Variants in ABLIM1 observed in about 807,000 individuals in gnomAD.
ABLIM1 encodes the protein actin binding LIM protein 1, also known as actin-binding LIM protein 1.
ABLIM1 carries 40 observed loss-of-function variants against 107.0 expected under a neutral mutation model. The observed-to-expected ratio is 0.37, with a 90% confidence interval of 0.29 to 0.49. The LOEUF (loss-of-function observed/expected upper bound fraction) is 0.49, where lower values mean the gene tolerates loss of function less well. ABLIM1 is among the 20% of genes least tolerant of loss of function. The pLI is 0.97. For synonymous variants in ABLIM1, 357 were observed against 357.3 expected (o/e 1.00, Z 0.01); for missense variants, 857 against 1,008.5 (o/e 0.85, Z 2.04).
intron 1 of ABLIM1, among the ~76,000 whole-genome samples, chr10:114,643,290 C>T (rs1254978142): frequency 6.6e-6 from 1 of 152,202 alleles, no homozygotes; most frequent in Non-Finnish European, 1.5e-5. Context: ...TAGGAGACAA[C>T]TATGAGAGTG....
chr10:114,574,592 A>T (rs571585924), intron 3 of ABLIM1, among the ~76,000 whole-genome samples: 1 of 151,988 alleles, frequency 6.6e-6, no homozygotes, highest in East Asian at 1.9e-4. Flanking sequence ...GGCACCTGCC[A>T]CCTCGCCTGG....
upstream of ABLIM1, chr10:114,658,317 C>A: frequency 6.7e-7 from 1 of 1,497,396 alleles, no homozygotes. Flanking sequence ...CACTGCCCAG[C>A]AAAGAAGATT....
At chr10:114,690,843 A>G (rs2081061193) in intron 1 of ABLIM1, among the ~76,000 whole-genome samples, 2 of 152,162 alleles carry the variant, frequency 1.3e-5, no homozygotes, top group African/African-American at 4.8e-5. Context: ...CACTACACTC[A>G]GCTAATTTTT....
chr10:114,719,893 G>A (rs2081798579), intron 1 of ABLIM1, among the ~76,000 whole-genome samples: 1 of 152,152 alleles, frequency 6.6e-6, no homozygotes, highest in African/African-American at 2.4e-5. Flanking sequence ...ATGAAGAAGT[G>A]TCTATGAGCA....
At chr10:114,578,697 C>T (rs541397899) in intron 2 of ABLIM1, among the ~76,000 whole-genome samples, 14 of 152,058 alleles carry the variant, frequency 9.2e-5, no homozygotes, top group East Asian at 3.9e-4. Context: ...TCAGCCACCA[C>T]GCCCAGCCAA....
At chr10:114,709,867 T>C (rs1317870383) in intron 1 of ABLIM1, among the ~76,000 whole-genome samples, 1 of 152,218 alleles carries the variant, frequency 6.6e-6, no homozygotes, top group African/African-American at 2.4e-5. Flanking sequence ...ATATTCACTT[T>C]GATGTTTAAC....
At chr10:114,601,664 TAG>T in intron 2 of ABLIM1, 161 bp downstream of exon 2, 1 of 1,175,692 alleles carries the variant, frequency 8.5e-7, no homozygotes, top group Non-Finnish European at 1.3e-6. Flanking sequence ...GTTCTCGCCC[TAG>T]AGTCTAACTG....
chr10:114,724,815 T>C (rs1179109429), intron 1 of ABLIM1, among the ~76,000 whole-genome samples: 2 of 152,142 alleles, frequency 1.3e-5, no homozygotes, highest in Non-Finnish European at 2.9e-5. Flanking sequence ...ACAGCTTATG[T>C]AGTTTCCCCA....
Position 114,707,855 on chromosome 10 carries a change from T to G in ABLIM1, c.-213+60206A>C, listed in dbSNP as rs1239907680. On this transcript the variant is annotated intron_variant, in intron 1 of 15. Transcript: ENST00000651092. The surrounding 1 kb of genome is among the most constrained non-coding windows in gnomAD (Gnocchi z 4.1). ...GACAGAGGTTGCAGTGAGCGGAGAT[T>G]GCACCATTGCACTCTAGCCTGGGCG... 6.6e-6 allele frequency among the ~76,000 whole-genome samples: 1 copy of G among 151,990 alleles called. No individual in the cohort carries two copies. The highest frequency in any genetic ancestry group is 6.6e-5 in the Admixed American group (1 of 15,256).
At chr10:114,542,800 G>C (rs1692943686) in intron 6 of ABLIM1, among the ~76,000 whole-genome samples, 5 of 152,144 alleles carry the variant, frequency 3.3e-5, no homozygotes. Context: ...GCCAGGAGGG[G>C]AGGCACCAAC....
At chr10:114,530,724 G>A (rs2065359234) in intron 6 of ABLIM1, among the ~76,000 whole-genome samples, 1 of 152,092 alleles carries the variant, frequency 6.6e-6, no homozygotes. Flanking sequence ...AGTAGAGACG[G>A]GGTTTTGCCT....
chr10:114,715,689 C>T (rs1194573570), intron 1 of ABLIM1, among the ~76,000 whole-genome samples: 1 of 152,074 alleles, frequency 6.6e-6, no homozygotes, highest in Admixed American at 6.5e-5. Context: ...TCAGCCCTCA[C>T]CGTGACTTTT....
intron 1 of ABLIM1, among the ~76,000 whole-genome samples, chr10:114,703,918 A>C (rs1017946995): frequency 1.3e-5 from 2 of 152,126 alleles, no homozygotes; most frequent in Non-Finnish European, 2.9e-5. Context: ...CCTTTTCAGC[A>C]TCAATGTAAA....
intron 2 of ABLIM1, among the ~76,000 whole-genome samples, chr10:114,592,470 G>A (rs991173356): frequency 1.4e-4 from 22 of 152,148 alleles, no homozygotes; most frequent in African/African-American, 4.8e-4. Context: ...GTCAAATTGA[G>A]GTCTGTGGAT....
Position 114,436,207 on chromosome 10 carries a change from A to G in ABLIM1, c.*53T>C. On this transcript the variant is annotated 3_prime_UTR_variant, in exon 23 of 23. Transcript: ENST00000533213. Reference sequence around the variant, plus strand: ...AGTTTGGGCCTCAATATGACATCCTATGGGGCACCGCCACTGTCAGTCCTT... The same window carrying G: ...AGTTTGGGCCTCAATATGACATCCTGTGGGGCACCGCCACTGTCAGTCCTT... The G allele has an allele frequency of 6.9e-7, 1 of 1,458,120 alleles. No individual in the cohort carries two copies. The highest frequency in any genetic ancestry group is 9.6e-7 in the Non-Finnish European group (1 of 1,044,722). The allele number at this position is 1,458,120 out of a possible 1,614,324, so 90.3% of individuals were successfully genotyped here. A position where few individuals can be genotyped will look rare whatever the true frequency, so the allele number is the denominator to read the frequency against.
rs570846355 is a variant in ABLIM1 at position 114,738,510 on chromosome 10, A to C, written c.-213+29551T>G. Among the ~76,000 whole-genome samples, 65 of 152,310 alleles carry C rather than the reference A, an allele frequency of 4.3e-4. No homozygotes were observed. In the Middle Eastern group the frequency reaches 0.01, roughly 24 times the overall value. ...CACAAGATCTAAAGCAGCACTTTATACTCTCTAGTCATTCAATTAAGGAGA... is the reference window on the plus strand; with the variant it reads ...CACAAGATCTAAAGCAGCACTTTATCCTCTCTAGTCATTCAATTAAGGAGA... On this transcript the variant is annotated intron_variant, in intron 1 of 15. Coordinates refer to the ABLIM1 transcript ENST00000651092.
chr10:114,661,256 C>T (rs769588379), upstream of ABLIM1, among the ~76,000 whole-genome samples: 1 of 152,132 alleles, frequency 6.6e-6, no homozygotes, highest in African/African-American at 2.4e-5. Context: ...TTAAAGACAA[C>T]CGAACTACAT....
intron 21 of ABLIM1, among the ~76,000 whole-genome samples, chr10:114,438,643 A>C (rs1416506126): frequency 1.3e-5 from 2 of 152,188 alleles, no homozygotes; most frequent in Non-Finnish European, 2.9e-5. Flanking sequence ...TGACTAGCTC[A>C]TGAATCTATG....
At chr10:114,439,955 G>T in intron 20 of ABLIM1, 127 bp downstream of exon 20, 2 of 1,498,006 alleles carry the variant, frequency 1.3e-6, no homozygotes, top group Non-Finnish European at 9.1e-7. Flanking sequence ...ATAGAGTAAT[G>T]ACTAGAGAGA....
Sources: allele counts gnomAD v4.1 joint callset (sites outside exome capture counted in the v4.1 genomes callset), GRCh38; gene constraint gnomAD v4.1.1; non-coding constraint Gnocchi (gnomAD v3.1); transcripts MANE v1.5; gene names NCBI Gene and HGNC (gene_info 2026-07-23, HGNC 2026-07-21).